The following ARHGAP28 variants were observed in gnomAD, a reference collection of about 807,000 sequenced individuals.
ARHGAP28 encodes the protein rho GTPase-activating protein 28.
A neutral mutation model predicts 90.7 loss-of-function variants in ARHGAP28; 56 were observed. The ratio of observed to expected loss-of-function variants is 0.62; its 90% CI spans 0.50 to 0.77. The LOEUF is 0.77. Among genes scored for constraint, ARHGAP28 ranks in the 30% least tolerant of loss-of-function variants. ARHGAP28 has a pLI of 0.00. For synonymous variants in ARHGAP28, 308 were observed against 323.3 expected (o/e 0.95, Z 0.51); for missense variants, 869 against 900.9 (o/e 0.96, Z 0.45).
chr18:6,815,899 GTCAT>G (rs1360306835), intron 1 of ARHGAP28, among the ~76,000 whole-genome samples: 4 of 147,458 alleles, frequency 2.7e-5, no homozygotes, highest in African/African-American at 1.0e-4. Flanking sequence ...TTACTGATGT[GTCAT>G]TGTTTTTTTT....
chr18:6,870,805 C>CTT (rs368646770), intron 7 of ARHGAP28, 73 bp downstream of exon 7: 495 of 1,146,012 alleles, frequency 4.3e-4, no homozygotes, highest in Middle Eastern at 6.4e-4. Flanking sequence ...ATTTCTTTTT[C>CTT]TTTTTTTTTT....
intron 5 of ARHGAP28, among the ~76,000 whole-genome samples, chr18:6,862,252 G>A (rs769183403): frequency 1.3e-5 from 2 of 152,180 alleles, no homozygotes; most frequent in South Asian, 2.1e-4. Context: ...AGGGATATCC[G>A]GTAATCAAAT....
intron 1 of ARHGAP28, among the ~76,000 whole-genome samples, chr18:6,794,077 A>G (rs532123837): frequency 1.3e-5 from 2 of 152,342 alleles, no homozygotes; most frequent in East Asian, 3.9e-4. Context: ...TATGGCGTGC[A>G]GTTCTAGGCT....
chr18:6,838,672 C>T (rs905330336), intron 3 of ARHGAP28, among the ~76,000 whole-genome samples: 6 of 152,226 alleles, frequency 3.9e-5, no homozygotes, highest in Non-Finnish European at 8.8e-5. Context: ...TGAACAGTCA[C>T]ATGTAGCTTG....
chr18:6,903,823 T>A, intron 16 of ARHGAP28, among the ~76,000 whole-genome samples: 2 of 52,154 alleles, frequency 3.8e-5, no homozygotes, highest in African/African-American at 7.1e-5. Flanking sequence ...CAAGACTCCA[T>A]CTCAAAAAAA....
chr18:6,913,139 G>T lies in ARHGAP28; in HGVS notation c.*985G>T, dbSNP rs1200494354. On this transcript the variant is annotated 3_prime_UTR_variant, in exon 18 of 18. Coordinates refer to ENST00000383472, the MANE Select transcript of ARHGAP28 (RefSeq NM_001366230.1). ...TTCCTAAACTATAAAAGCAGATTTT[G>T]CTTTTGTTTGTTAATCATAGGCATG... 1 of 152,170 alleles carries T rather than the reference G, an allele frequency of 6.6e-6. No individual in the cohort carries two copies. The highest frequency in any genetic ancestry group is 1.5e-5 in the Non-Finnish European group (1 of 68,030). The allele number at this position is 152,170 out of a possible 1,614,324, so 9.4% of individuals were successfully genotyped here.
chr18:6,739,670 T>G lies in ARHGAP28; in HGVS notation c.122+9727T>G, dbSNP rs931544941. Among the ~76,000 whole-genome samples, 87 of 151,636 alleles carry G rather than the reference T, an allele frequency of 5.7e-4. 1 individual carries two copies. The highest frequency in any genetic ancestry group is 2.0e-3 in the African/African-American group (81 of 41,418). On this transcript the variant is annotated intron_variant, in intron 1 of 17. Coordinates refer to ENST00000383472, the MANE Select transcript of ARHGAP28 (RefSeq NM_001366230.1). Reference sequence around the variant, plus strand: ...TTCTCTCTCTCTCTCTCTCTCTCTCTCTTTCTTTCAGAAGGAGGGCAGGTT... The same window carrying G: ...TTCTCTCTCTCTCTCTCTCTCTCTCGCTTTCTTTCAGAAGGAGGGCAGGTT...
chr18:6,801,829 G>T (rs916897550), intron 1 of ARHGAP28, among the ~76,000 whole-genome samples: 1 of 151,836 alleles, frequency 6.6e-6, no homozygotes, highest in African/African-American at 2.4e-5. Flanking sequence ...ATAGCCCACC[G>T]GTCACCTTAC....
chr18:6,826,488 T>A (rs3953903), intron 2 of ARHGAP28, among the ~76,000 whole-genome samples: 104,908 of 150,020 alleles, frequency 0.7, 37,571 homozygotes, highest in Non-Finnish European at 0.79. Flanking sequence ...TTTTTTTTTT[T>A]AATTAAAATA....
At chr18:6,816,635 C>T (rs1410485790) in intron 1 of ARHGAP28, among the ~76,000 whole-genome samples, 1 of 152,198 alleles carries the variant, frequency 6.6e-6, no homozygotes, top group Non-Finnish European at 1.5e-5. Flanking sequence ...CTTCCCAAAA[C>T]TCATGGAATC....
intron 3 of ARHGAP28, among the ~76,000 whole-genome samples, chr18:6,837,709 C>G (rs375875102): frequency 1.6e-4 from 24 of 151,938 alleles, no homozygotes; most frequent in Non-Finnish European, 3.1e-4. Flanking sequence ...ATCCGGGGAC[C>G]CTTTACTTAA....
intron 3 of ARHGAP28, among the ~76,000 whole-genome samples, chr18:6,841,208 C>CTCTCTCTCTCTCTCTCCT (rs1555631529): frequency 2.3e-5 from 1 of 43,134 alleles, no homozygotes; most frequent in African/African-American, 9.2e-5. Flanking sequence ...TCTCTCCTCT[C>CTCTCTCTCTCTCTCTCCT]CTCTCTCTCT....
chr18:6,763,202 C>A (rs532798370), intron 1 of ARHGAP28, among the ~76,000 whole-genome samples: 1 of 152,096 alleles, frequency 6.6e-6, no homozygotes, highest in African/African-American at 2.4e-5. Context: ...CCTGCCTCAG[C>A]CTCCTGAGCA....
intron 10 of ARHGAP28, among the ~76,000 whole-genome samples, chr18:6,881,060 G>T (rs1159326201): frequency 2.0e-5 from 3 of 152,218 alleles, no homozygotes; most frequent in Non-Finnish European, 4.4e-5. Context: ...GATCTTATCA[G>T]TAGAGGTTAG....
intron 2 of ARHGAP28, 119 bp downstream of exon 2, chr18:6,825,083 T>TG: frequency 1.0e-6 from 1 of 975,952 alleles, no homozygotes. Flanking sequence ...CAGTAGAATC[T>TG]GGCATATTGA....
intron 1 of ARHGAP28, among the ~76,000 whole-genome samples, chr18:6,799,966 T>A (rs866250683): frequency 6.6e-6 from 1 of 152,152 alleles, no homozygotes; most frequent in Admixed American, 6.5e-5. Flanking sequence ...TCTATCCATC[T>A]GACAAAGGGA....
chr18:6,855,908 G>A (rs1279689955), intron 4 of ARHGAP28, among the ~76,000 whole-genome samples: 1 of 152,186 alleles, frequency 6.6e-6, no homozygotes, highest in East Asian at 1.9e-4. Context: ...GACGTGCCTG[G>A]CTCTGTGCTG....
At chr18:6,803,180 A>G (rs577121781) in intron 1 of ARHGAP28, among the ~76,000 whole-genome samples, 8 of 152,314 alleles carry the variant, frequency 5.3e-5, no homozygotes, top group Non-Finnish European at 8.8e-5. Context: ...TTTAGGAAGA[A>G]AACATTTAGT....
In ARHGAP28 at chr18:6,882,163, G is replaced by A; in HGVS notation, c.1317G>A (p.Lys439=). Residue 439 remains lysine (K), a synonymous_variant, in exon 11 of 18, where the codon AAG becomes AAA. Coordinates refer to ENST00000383472, the MANE Select transcript of ARHGAP28 (RefSeq NM_001366230.1). The stretch of plus-strand genomic sequence containing the variant: ...AATACCGTGAAGAACTTGATGCCAA[G>A]TTTAATGCTGATAAATTTAAATGGG... ...VKQYREELDA[K]FNADKFKWDK... is the part of the protein sequence containing the mutation. The A allele has an allele frequency of 6.2e-7, 1 of 1,613,906 alleles. No homozygotes were observed. Among genetic ancestry groups the A allele is most frequent in the Non-Finnish European group, 8.5e-7 (1 of 1,179,896 alleles).
Sources: gnomAD v4.1 joint callset for allele counts (sites outside exome capture counted in the v4.1 genomes callset) on GRCh38, gnomAD v4.1.1 for gene constraint, MANE v1.5 for transcripts, NCBI Gene and HGNC (gene_info 2026-07-23, HGNC 2026-07-21) for gene names.